ARHGAP15: variants seen among roughly 807,000 people sequenced by gnomAD.
ARHGAP15 encodes Rho GTPase activating protein 15, also known as rho GTPase-activating protein 15.
Under a neutral mutation model 63.7 loss-of-function variants are expected in ARHGAP15, and 51 were observed. That is an observed-to-expected ratio of 0.80 (90% CI 0.64 to 1.01). The LOEUF is 1.01. ARHGAP15 is among the 50% of genes least tolerant of loss of function. The pLI is 0.00. For synonymous variants in ARHGAP15, 191 were observed against 193.8 expected, an observed-to-expected ratio of 0.99 and a Z score of 0.12; for missense variants, 560 against 564.6, an observed-to-expected ratio of 0.99 and a Z score of 0.08.
At chr2:143,748,839 G>T (rs1259943789) in intron 13 of ARHGAP15, among the ~76,000 whole-genome samples, 1 of 152,142 alleles carries the variant, frequency 6.6e-6, no homozygotes, top group African/African-American at 2.4e-5. Context: ...GGGATATCTG[G>T]TCTAATCCAA....
intron 2 of ARHGAP15, among the ~76,000 whole-genome samples, chr2:143,165,653 A>G (rs1254364880): frequency 6.6e-6 from 1 of 152,078 alleles, no homozygotes; most frequent in Non-Finnish European, 1.5e-5. Flanking sequence ...GTGAAAGGTT[A>G]ATGAACAAAT....
intron 10 of ARHGAP15, among the ~76,000 whole-genome samples, chr2:143,547,581 T>C (rs1012494576): frequency 1.4e-5 from 2 of 145,036 alleles, no homozygotes; most frequent in Non-Finnish European, 3.0e-5. Flanking sequence ...AAAAAAAAAA[T>C]TGGTTAGATA....
intron 1 of ARHGAP15, among the ~76,000 whole-genome samples, chr2:143,153,040 A>G (rs990414036): frequency 2.0e-5 from 3 of 152,014 alleles, no homozygotes; most frequent in Non-Finnish European, 1.5e-5. Context: ...CAGCCTTTTG[A>G]CAGTAGCATA....
chr2:143,747,186 A>G (rs776084266), intron 13 of ARHGAP15, among the ~76,000 whole-genome samples: 1 of 152,000 alleles, frequency 6.6e-6, no homozygotes, highest in Non-Finnish European at 1.5e-5. Context: ...ACCATGGCAT[A>G]TGTATACCTA....
intron 6 of ARHGAP15, among the ~76,000 whole-genome samples, chr2:143,314,864 T>G (rs1301541913): frequency 2.0e-5 from 3 of 152,332 alleles, no homozygotes; most frequent in African/African-American, 7.2e-5. Context: ...TCATCTGTCC[T>G]CAGTTAAAAC....
intron 2 of ARHGAP15, among the ~76,000 whole-genome samples, chr2:143,201,523 G>C (rs1042858046): frequency 3.3e-5 from 5 of 151,910 alleles, no homozygotes; most frequent in African/African-American, 1.2e-4. Context: ...CACTCATTTG[G>C]GGGCGCTGTA....
chr2:143,297,086 A>G (rs1682669356), intron 6 of ARHGAP15, among the ~76,000 whole-genome samples: 1 of 151,936 alleles, frequency 6.6e-6, no homozygotes. Context: ...TATCTTCCTG[A>G]GGGGGAGCCT....
chr2:143,361,047 G>T (rs527256720), intron 6 of ARHGAP15, among the ~76,000 whole-genome samples: 52 of 152,184 alleles, frequency 3.4e-4, no homozygotes, highest in African/African-American at 1.2e-3. Context: ...AATGCCATTG[G>T]CACGTTCCAC....
At chr2:143,456,349 T>C (rs144332643) in intron 8 of ARHGAP15, among the ~76,000 whole-genome samples, 1 of 152,248 alleles carries the variant, frequency 6.6e-6, no homozygotes, top group African/African-American at 2.4e-5. Flanking sequence ...TTGGAGGTTG[T>C]AGAGAAATAT....
intron 8 of ARHGAP15, among the ~76,000 whole-genome samples, chr2:143,479,118 A>G (rs1285804725): frequency 6.6e-6 from 1 of 152,242 alleles, no homozygotes; most frequent in Non-Finnish European, 1.5e-5. Context: ...GTATGTATAC[A>G]TGGAAAGAGT....
At chr2:143,589,465 A>G (rs1051950125) in intron 11 of ARHGAP15, among the ~76,000 whole-genome samples, 3 of 152,232 alleles carry the variant, frequency 2.0e-5, no homozygotes, top group African/African-American at 7.2e-5. Context: ...AGAAGTAGAC[A>G]TTATTATCTC....
intron 2 of ARHGAP15, among the ~76,000 whole-genome samples, chr2:143,171,134 AAAG>A (rs1232588864): frequency 2.6e-5 from 4 of 152,184 alleles, no homozygotes; most frequent in African/African-American, 9.6e-5. Flanking sequence ...GAGCTGAATT[AAAG>A]AAGAAAAATA....
At chr2:143,641,602 T>G (rs1680603041) in intron 12 of ARHGAP15, among the ~76,000 whole-genome samples, 1 of 152,104 alleles carries the variant, frequency 6.6e-6, no homozygotes, top group Non-Finnish European at 1.5e-5. Flanking sequence ...AGCCAGTAAA[T>G]TTACAGTAAG....
chr2:143,541,165 G>A (rs369796675), intron 10 of ARHGAP15, among the ~76,000 whole-genome samples: 3 of 151,976 alleles, frequency 2.0e-5, no homozygotes, highest in African/African-American at 4.8e-5. Context: ...CCAGTTGATC[G>A]CATCGGTTAC....
chr2:143,571,200 G>A (rs1316191920), intron 11 of ARHGAP15, among the ~76,000 whole-genome samples: 1 of 152,170 alleles, frequency 6.6e-6, no homozygotes, highest in Non-Finnish European at 1.5e-5. Context: ...GGTTCCCATT[G>A]ATTCTACATT....
At chr2:143,762,061 C>G (rs1303591916) in intron 13 of ARHGAP15, among the ~76,000 whole-genome samples, 1 of 151,962 alleles carries the variant, frequency 6.6e-6, no homozygotes, top group Admixed American at 6.6e-5. Flanking sequence ...AATAAATAGC[C>G]TTTTTCAAGA....
chr2:143,254,194 A>G (rs575251736), intron 6 of ARHGAP15, among the ~76,000 whole-genome samples: 15 of 152,260 alleles, frequency 9.9e-5, no homozygotes, highest in Admixed American at 2.6e-4. Flanking sequence ...AAGGATTACA[A>G]CATAATCTTA....
At chr2:143,535,214 T>C (rs987157688) in intron 10 of ARHGAP15, among the ~76,000 whole-genome samples, 1 of 152,214 alleles carries the variant, frequency 6.6e-6, no homozygotes, top group African/African-American at 2.4e-5. Context: ...GCAACCACTC[T>C]TTTGAATTCA....
intron 8 of ARHGAP15, among the ~76,000 whole-genome samples, chr2:143,454,173 C>G (rs1690539623): frequency 6.6e-6 from 1 of 151,870 alleles, no homozygotes; most frequent in Admixed American, 6.6e-5. Flanking sequence ...GTAATTGATA[C>G]CTAGTCCTCA....
Sources: gnomAD v4.1 joint callset for allele counts (sites outside exome capture counted in the v4.1 genomes callset) on GRCh38, gnomAD v4.1.1 for gene constraint, MANE v1.5 for transcripts, NCBI Gene and HGNC (gene_info 2026-07-23, HGNC 2026-07-21) for gene names.